Variants in KHDRBS2 observed in about 807,000 individuals in gnomAD.
The protein encoded by KHDRBS2 is KH RNA binding domain containing, signal transduction associated 2, also known as KH domain-containing, RNA-binding, signal transduction-associated protein 2.
In KHDRBS2, 26 loss-of-function variants were observed where a neutral mutation model predicts 44.3. The ratio of observed to expected loss-of-function variants is 0.59; its 90% CI spans 0.43 to 0.81. The LOEUF (loss-of-function observed/expected upper bound fraction) is 0.81, where lower values mean the gene tolerates loss of function less well. Among genes scored for constraint, KHDRBS2 ranks in the 40% least tolerant of loss-of-function variants. KHDRBS2 has a pLI of 0.00. For synonymous variants in KHDRBS2, 194 were observed against 151.1 expected (o/e 1.28, Z -2.08); for missense variants, 476 against 433.1 (o/e 1.10, Z -0.88).
chr6:62,134,841 C>A (rs1478891324), intron 2 of KHDRBS2, among the ~76,000 whole-genome samples: 2 of 152,290 alleles, frequency 1.3e-5, no homozygotes, highest in Non-Finnish European at 2.9e-5. Context: ...TGGCCAATTT[C>A]TCCCATTTGA....
At chr6:61,848,510 T>TATATATATATATATAC (rs1491479304) in intron 6 of KHDRBS2, among the ~76,000 whole-genome samples, 1 of 48,148 alleles carries the variant, frequency 2.1e-5, no homozygotes, top group African/African-American at 1.2e-4. Context: ...TATATATATA[T>TATATATATATATATAC]GTATATATGT....
intron 1 of KHDRBS2, among the ~76,000 whole-genome samples, chr6:62,248,855 G>A (rs1005680724): frequency 2.8e-5 from 4 of 144,688 alleles, no homozygotes; most frequent in Admixed American, 1.3e-4. Flanking sequence ...CAGGGTAAGC[G>A]AAGTCAACAA....
chr6:61,796,038 G>T (rs531076002), intron 6 of KHDRBS2, among the ~76,000 whole-genome samples: 43 of 152,110 alleles, frequency 2.8e-4, no homozygotes, highest in Admixed American at 1.3e-3. Context: ...TGAGTAATCT[G>T]ACCCCAATCA....
At chr6:61,868,186 T>C (rs373032121) in intron 6 of KHDRBS2, among the ~76,000 whole-genome samples, 6 of 151,582 alleles carry the variant, frequency 4.0e-5, no homozygotes, top group African/African-American at 1.5e-4. Flanking sequence ...AAGAATGGAA[T>C]AGGGTCCCAT....
chr6:61,622,083 C>T, the KHDRBS2 span, among the ~76,000 whole-genome samples: 10 of 152,210 alleles, frequency 6.6e-5, no homozygotes, highest in Non-Finnish European at 1.3e-4. Flanking sequence ...TCTAGCTAAA[C>T]TCTACACTTT....
intron 4 of KHDRBS2, among the ~76,000 whole-genome samples, chr6:61,972,419 C>A (rs1219945972): frequency 6.6e-6 from 1 of 152,052 alleles, no homozygotes; most frequent in African/African-American, 2.4e-5. Context: ...AGTGCTATAG[C>A]ACTATAGCAA....
the KHDRBS2 span, among the ~76,000 whole-genome samples, chr6:61,659,553 A>AAATC: frequency 6.6e-6 from 1 of 151,852 alleles, no homozygotes. Flanking sequence ...GTCACTCAAC[A>AAATC]AATCACAGTT....
chr6:62,247,352 T>A (rs75184859), intron 1 of KHDRBS2, among the ~76,000 whole-genome samples: 151,759 of 151,760 alleles, frequency 1, 75,879 homozygotes, highest in Non-Finnish European at 1. Flanking sequence ...TTGCCATTGC[T>A]CCGCATTACT....
rs1820841813 is a variant in KHDRBS2 at position 62,175,192 on chromosome 6, AT to A, written c.219+1992del. 2.0e-5 allele frequency among the ~76,000 whole-genome samples: 3 copies of A among 151,736 alleles called. No homozygotes were observed. The South Asian group carries it at 6.2e-4, about 31-fold the overall frequency. The stretch of plus-strand genomic sequence containing the variant: ...CTTCTCAGAATTTCACTCTTTTTCT[AT>A]CAAAAAGCTCTAAAGTTATCTTATG... On this transcript the variant is annotated intron_variant, in intron 2 of 8. Coordinates refer to ENST00000281156, the MANE Select transcript of KHDRBS2 (RefSeq NM_152688.4).
At chr6:61,544,500 C>A in the KHDRBS2 span, among the ~76,000 whole-genome samples, 1 of 152,050 alleles carries the variant, frequency 6.6e-6, no homozygotes, top group Non-Finnish European at 1.5e-5. Flanking sequence ...TAATAAAGGG[C>A]AAAGCAATCT....
At chr6:61,650,407 A>AT in the KHDRBS2 span, among the ~76,000 whole-genome samples, 13 of 71,962 alleles carry the variant, frequency 1.8e-4, no homozygotes, top group Non-Finnish European at 4.3e-4. Context: ...TTTTAAAAAA[A>AT]TGTTTTTTTT....
chr6:61,889,045 A>C (rs949590022), intron 6 of KHDRBS2, among the ~76,000 whole-genome samples: 5 of 152,294 alleles, frequency 3.3e-5, no homozygotes, highest in East Asian at 1.9e-4. Flanking sequence ...ATAGATTATT[A>C]ATATCTATGA....
chr6:62,137,020 A>G (rs1277398104), intron 2 of KHDRBS2, among the ~76,000 whole-genome samples: 6 of 40,590 alleles, frequency 1.5e-4, no homozygotes, highest in Admixed American at 7.8e-4. Flanking sequence ...TTTTTTTTTG[A>G]GACGGAGTCT....
chr6:61,801,135 A>T (rs188647268), intron 6 of KHDRBS2, among the ~76,000 whole-genome samples: 347 of 152,282 alleles, frequency 2.3e-3, no homozygotes, highest in African/African-American at 8.1e-3. Flanking sequence ...AATAGTTTTC[A>T]TTCTTTGCTT....
intron 6 of KHDRBS2, among the ~76,000 whole-genome samples, chr6:61,779,528 C>T (rs2127580784): frequency 6.6e-6 from 1 of 152,058 alleles, no homozygotes. Flanking sequence ...AATATACTTT[C>T]CTTAAATGGA....
chr6:61,591,575 T>C, the KHDRBS2 span, among the ~76,000 whole-genome samples: 1 of 152,044 alleles, frequency 6.6e-6, no homozygotes, highest in East Asian at 1.9e-4. Context: ...CTCTAGTAAC[T>C]CCCTCTTTTC....
intron 4 of KHDRBS2, among the ~76,000 whole-genome samples, chr6:61,927,882 T>C (rs1427407268): frequency 2.0e-5 from 3 of 152,156 alleles, no homozygotes; most frequent in African/African-American, 7.2e-5. Flanking sequence ...GTGATAGTTA[T>C]CTATCTACAA....
intron 6 of KHDRBS2, among the ~76,000 whole-genome samples, chr6:61,852,581 AT>A (rs1795604397): frequency 1.3e-5 from 2 of 150,460 alleles, no homozygotes; most frequent in South Asian, 2.1e-4. Flanking sequence ...AAAAAAAAAG[AT>A]TTCCCCCCCT....
At position 61,946,931 on chromosome 6, in the gene KHDRBS2, G is replaced by A. The variant is rs562793946; in HGVS notation, c.483+31135C>T. 3.9e-5 allele frequency among the ~76,000 whole-genome samples: 6 copies of A among 152,278 alleles called. No individual in the cohort carries two copies. The South Asian group carries it at 1.2e-3, about 32-fold the overall frequency. On this transcript the variant is annotated intron_variant, in intron 4 of 8. Transcript: ENST00000281156. ...AAATAAGGGCGTACAAGATTCAGCG[G>A]TCGTCCTTCCTTGTTTTATAGAAGA...
Sources: allele counts gnomAD v4.1 joint callset (sites outside exome capture counted in the v4.1 genomes callset), GRCh38; gene constraint gnomAD v4.1.1; transcripts MANE v1.5; gene names NCBI Gene and HGNC (gene_info 2026-07-23, HGNC 2026-07-21).